Variants in NELL1 observed in about 807,000 individuals in gnomAD.
NELL1 encodes protein kinase C-binding protein NELL1.
A neutral mutation model predicts 107.4 loss-of-function variants in NELL1; 76 were observed. The observed-to-expected ratio is 0.71, with a 90% confidence interval of 0.59 to 0.86. The LOEUF is 0.86. Among genes scored for constraint, NELL1 ranks in the 40% least tolerant of loss-of-function variants. The probability of loss-of-function intolerance (pLI) is 0.00; values close to 1 mark genes in which losing one functional copy is unlikely to be tolerated. For synonymous variants in NELL1, 353 were observed against 341.2 expected (o/e 1.03, Z -0.38); for missense variants, 1,024 against 1,005.5 (o/e 1.02, Z -0.25).
At chr11:20,766,821 C>T (rs867118518) in intron 2 of NELL1, among the ~76,000 whole-genome samples, 2 of 151,694 alleles carry the variant, frequency 1.3e-5, no homozygotes, top group Non-Finnish European at 2.9e-5. Flanking sequence ...TGGCTTACTG[C>T]TGCCTCTGCC....
intron 5 of NELL1, among the ~76,000 whole-genome samples, chr11:20,892,396 C>A (rs563787359): frequency 1.3e-5 from 2 of 152,272 alleles, no homozygotes; most frequent in Admixed American, 6.5e-5. Context: ...CATCTCATAC[C>A]AGTCGGAATG....
intron 12 of NELL1, among the ~76,000 whole-genome samples, chr11:20,995,116 T>C (rs1338412703): frequency 6.8e-6 from 1 of 147,510 alleles, no homozygotes; most frequent in Non-Finnish European, 1.5e-5. Context: ...CTAACAGACT[T>C]AATTTTCTGG....
chr11:21,540,389 C>T (rs1384677520), intron 16 of NELL1, among the ~76,000 whole-genome samples: 1 of 152,088 alleles, frequency 6.6e-6, no homozygotes, highest in Non-Finnish European at 1.5e-5. Flanking sequence ...TTCCCTACCT[C>T]CATCAAATCA....
intron 15 of NELL1, among the ~76,000 whole-genome samples, chr11:21,506,318 C>T (rs1056302509): frequency 2.6e-5 from 4 of 152,136 alleles, no homozygotes; most frequent in African/African-American, 7.2e-5. Flanking sequence ...ATATCTCAGA[C>T]CTACCCAACA....
chr11:21,473,452 A>C (rs971729705), intron 15 of NELL1, among the ~76,000 whole-genome samples: 5 of 152,198 alleles, frequency 3.3e-5, no homozygotes, highest in Middle Eastern at 3.4e-3. Flanking sequence ...TGTCATTCTT[A>C]TATTATTTCA....
Position 20,755,562 on chromosome 11 carries a change from G to C in NELL1, c.185-28118G>C, listed in dbSNP as rs200616759. ...TTTGTTTTTTTTTGTTTTTGTTTTT[G>C]TTTTTTTTTTTTTGAGACAGAATCT... On this transcript the variant is annotated intron_variant, in intron 2 of 19. Transcript: ENST00000357134. 1.2e-4 allele frequency among the ~76,000 whole-genome samples: 3 copies of C among 26,044 alleles called. No individual in the cohort carries two copies. In the South Asian group the frequency reaches 7.3e-3, roughly 63 times the overall value. The allele number at this position is 26,044 out of a possible 152,430, so 17.1% of individuals were successfully genotyped here. A position where few individuals can be genotyped will look rare whatever the true frequency, so the allele number is the denominator to read the frequency against.
intron 3 of NELL1, among the ~76,000 whole-genome samples, chr11:20,821,345 C>G (rs997461995): frequency 4.6e-5 from 7 of 152,180 alleles, no homozygotes; most frequent in African/African-American, 1.7e-4. Context: ...GCAGCTTGCT[C>G]TCAGGCTCCT....
intron 15 of NELL1, among the ~76,000 whole-genome samples, chr11:21,488,729 C>G (rs1249638287): frequency 1.3e-5 from 2 of 152,040 alleles, no homozygotes; most frequent in African/African-American, 2.4e-5. Context: ...CAAAAAATGC[C>G]TTTAAAACGT....
chr11:20,709,461 A>G (rs1855058010), intron 2 of NELL1, among the ~76,000 whole-genome samples: 1 of 152,162 alleles, frequency 6.6e-6, no homozygotes, highest in Admixed American at 6.6e-5. Flanking sequence ...TACAATTTGA[A>G]GTTGAGTAAT....
At chr11:21,160,890 G>C (rs1856350263) in intron 13 of NELL1, among the ~76,000 whole-genome samples, 3 of 151,562 alleles carry the variant, frequency 2.0e-5, no homozygotes, top group Admixed American at 2.0e-4. Flanking sequence ...TAAGATATAG[G>C]TCTTTTTAGT....
intron 13 of NELL1, among the ~76,000 whole-genome samples, chr11:21,174,764 A>C (rs1856678556): frequency 6.6e-6 from 1 of 151,732 alleles, no homozygotes; most frequent in Non-Finnish European, 1.5e-5. Flanking sequence ...GATTAGCTAT[A>C]ATATGGCTGC....
chr11:21,527,293 C>T (rs1478452749), intron 15 of NELL1, among the ~76,000 whole-genome samples: 1 of 152,104 alleles, frequency 6.6e-6, no homozygotes, highest in Non-Finnish European at 1.5e-5. Context: ...TGGTCAAAGC[C>T]CTTTAATCAG....
intron 15 of NELL1, among the ~76,000 whole-genome samples, chr11:21,431,764 A>G (rs1945421): frequency 0.95 from 144,051 of 152,264 alleles, 68,159 homozygotes; most frequent in East Asian, 1. Context: ...TTCTGCCTTT[A>G]CCATTTTGCT....
intron 14 of NELL1, among the ~76,000 whole-genome samples, chr11:21,286,705 C>A (rs555276186): frequency 1.8e-3 from 274 of 152,322 alleles, no homozygotes; most frequent in African/African-American, 6.1e-3. Context: ...AATTCTTGGA[C>A]CAGACTGCTG....
intron 15 of NELL1, among the ~76,000 whole-genome samples, chr11:21,490,623 T>C (rs888607876): frequency 6.6e-6 from 1 of 151,972 alleles, no homozygotes; most frequent in Non-Finnish European, 1.5e-5. Flanking sequence ...TGGAACAGAA[T>C]AGAAAGGCCA....
chr11:21,573,658 G>T (rs117034709), intron 19 of NELL1, among the ~76,000 whole-genome samples: 1,892 of 151,810 alleles, frequency 0.012, 35 homozygotes, highest in East Asian at 0.071. Context: ...ATTTTGACAA[G>T]TGATTCTTGG....
chr11:21,104,692 A>G (rs1189430176), intron 12 of NELL1, among the ~76,000 whole-genome samples: 1 of 152,216 alleles, frequency 6.6e-6, no homozygotes, highest in Non-Finnish European at 1.5e-5. Flanking sequence ...ATATGTTAGA[A>G]GATGATGTTA....
At chr11:21,460,672 A>G (rs774490297) in intron 15 of NELL1, among the ~76,000 whole-genome samples, 1 of 152,070 alleles carries the variant, frequency 6.6e-6, no homozygotes, top group East Asian at 1.9e-4. Flanking sequence ...TTAGCCCTCC[A>G]TGGTGTAGAG....
At chr11:21,542,834 C>T (rs1018474342) in intron 16 of NELL1, among the ~76,000 whole-genome samples, 2 of 151,790 alleles carry the variant, frequency 1.3e-5, no homozygotes, top group African/African-American at 2.4e-5. Context: ...ATTTAAAATA[C>T]AAATATTTGA....
Sources: gnomAD v4.1 joint callset for allele counts (sites outside exome capture counted in the v4.1 genomes callset) on GRCh38, gnomAD v4.1.1 for gene constraint, MANE v1.5 for transcripts, NCBI Gene and HGNC (gene_info 2026-07-23, HGNC 2026-07-21) for gene names.